ADAMTS3: variants seen among roughly 807,000 people sequenced by gnomAD.
The protein encoded by ADAMTS3 is A disintegrin and metalloproteinase with thrombospondin motifs 3.
A neutral mutation model predicts 129.0 loss-of-function variants in ADAMTS3; 73 were observed. That is an observed-to-expected ratio of 0.57 (90% CI 0.47 to 0.69). ADAMTS3 has a LOEUF of 0.69. ADAMTS3 is among the 30% of genes least tolerant of loss of function. The probability of loss-of-function intolerance (pLI) is 0.00; values close to 1 mark genes in which losing one functional copy is unlikely to be tolerated. For synonymous variants in ADAMTS3, 477 were observed against 510.8 expected (o/e 0.93, Z 0.89); for missense variants, 1,457 against 1,514.5 (o/e 0.96, Z 0.63).
intron 3 of ADAMTS3, among the ~76,000 whole-genome samples, chr4:72,490,953 G>A (rs1234599763): frequency 6.6e-6 from 1 of 151,768 alleles, no homozygotes; most frequent in Non-Finnish European, 1.5e-5. Context: ...TTCTTCCAAT[G>A]AATGAACATG....
chr4:72,348,778 G>A (rs1720353770), intron 4 of ADAMTS3, among the ~76,000 whole-genome samples: 1 of 151,650 alleles, frequency 6.6e-6, no homozygotes, highest in Admixed American at 6.6e-5. Flanking sequence ...TCCTGGACAG[G>A]AGAGAGGTAT....
chr4:72,325,943 A>T (rs972079341), intron 5 of ADAMTS3, among the ~76,000 whole-genome samples: 3 of 152,180 alleles, frequency 2.0e-5, no homozygotes, highest in African/African-American at 7.2e-5. Context: ...CACAGTGTCA[A>T]GAAAGTACAA....
At chr4:72,543,159 T>G (rs557972307) in intron 3 of ADAMTS3, among the ~76,000 whole-genome samples, 1 of 152,304 alleles carries the variant, frequency 6.6e-6, no homozygotes, top group African/African-American at 2.4e-5. Context: ...TACTAACTTA[T>G]CACATGTCTG....
At chr4:72,564,587 C>G (rs1005465457) in intron 2 of ADAMTS3, among the ~76,000 whole-genome samples, 11 of 152,158 alleles carry the variant, frequency 7.2e-5, no homozygotes, top group Non-Finnish European at 8.8e-5. Context: ...AAGAGGCACA[C>G]AACTAGGTCA....
intron 3 of ADAMTS3, among the ~76,000 whole-genome samples, chr4:72,496,016 A>G (rs1439957330): frequency 6.6e-6 from 1 of 152,226 alleles, no homozygotes; most frequent in East Asian, 1.9e-4. Flanking sequence ...ATCAAAAATG[A>G]CTATAATGGG....
chr4:72,495,236 T>C (rs1270967160), intron 3 of ADAMTS3, among the ~76,000 whole-genome samples: 1 of 152,056 alleles, frequency 6.6e-6, no homozygotes, highest in East Asian at 1.9e-4. Flanking sequence ...GTGACACCGT[T>C]ATCTAAGGTG....
At chr4:72,515,189 C>T (rs1255538775) in intron 3 of ADAMTS3, among the ~76,000 whole-genome samples, 3 of 152,104 alleles carry the variant, frequency 2.0e-5, no homozygotes, top group Non-Finnish European at 4.4e-5. Context: ...GGCTGCATAG[C>T]ATTCCATGGT....
chr4:72,425,428 C>A (rs182161699), intron 3 of ADAMTS3, among the ~76,000 whole-genome samples: 220 of 152,132 alleles, frequency 1.4e-3, no homozygotes, highest in Non-Finnish European at 2.8e-3. Context: ...TGGTGTGCTG[C>A]ACCCATTAAC....
intron 4 of ADAMTS3, among the ~76,000 whole-genome samples, chr4:72,341,499 C>T (rs573376007): frequency 3.9e-5 from 6 of 152,322 alleles, no homozygotes; most frequent in African/African-American, 1.4e-4. Context: ...ACCATTCAAC[C>T]TCAAGTCTTT....
intron 16 of ADAMTS3, among the ~76,000 whole-genome samples, 173 bp downstream of exon 16, chr4:72,305,814 A>G (rs1719071565): frequency 1.3e-5 from 2 of 151,998 alleles, no homozygotes; most frequent in African/African-American, 4.8e-5. Flanking sequence ...CACATCATGC[A>G]CATGTACGCA....
rs1417749137 is a variant in ADAMTS3, at chr4:72,550,028, G to T, written c.98-1144C>A. On this transcript the variant is annotated intron_variant, in intron 2 of 21. Transcript: ENST00000286657. Reference sequence around the variant, plus strand: ...AGAAGAAGAAGAAGAAGAAGAAGAAGAAGAAGAAGAAGAAGAGGAAGAGGA... The same window carrying T: ...AGAAGAAGAAGAAGAAGAAGAAGAATAAGAAGAAGAAGAAGAGGAAGAGGA... Among the ~76,000 whole-genome samples the T allele has an allele frequency of 6.0e-4, 2 of 3,314 alleles. 1 individual carries two copies. Among genetic ancestry groups the T allele is most frequent in the Non-Finnish European group, 1.6e-3 (2 of 1,248 alleles). The allele number at this position is 3,314 out of a possible 152,430, so 2.2% of individuals were successfully genotyped here.
chr4:72,549,039 C>CA (rs1306349542), intron 2 of ADAMTS3, among the ~76,000 whole-genome samples, 155 bp from the exon 3 acceptor site: 1 of 152,006 alleles, frequency 6.6e-6, no homozygotes, highest in African/African-American at 2.4e-5. Flanking sequence ...ATTTTGAGAA[C>CA]AAAAATCATT....
At chr4:72,553,630 G>A (rs1316344809) in intron 2 of ADAMTS3, among the ~76,000 whole-genome samples, 1 of 152,098 alleles carries the variant, frequency 6.6e-6, no homozygotes, top group Non-Finnish European at 1.5e-5. Flanking sequence ...TTCCCTGGTG[G>A]AGAAGAGTGA....
intron 3 of ADAMTS3, among the ~76,000 whole-genome samples, chr4:72,480,702 A>AAAAAAAT (rs1395359409): frequency 6.6e-6 from 1 of 151,414 alleles, no homozygotes; most frequent in East Asian, 1.9e-4. Context: ...TAATAATAAT[A>AAAAAAAT]AAAAAATAAA....
At chr4:72,519,677 T>C (rs1720605179) in intron 3 of ADAMTS3, among the ~76,000 whole-genome samples, 1 of 152,216 alleles carries the variant, frequency 6.6e-6, no homozygotes, top group African/African-American at 2.4e-5. Flanking sequence ...AAGCCTTGGC[T>C]TTCAGCTCCA....
intron 17 of ADAMTS3, among the ~76,000 whole-genome samples, chr4:72,301,147 A>G (rs1718940469): frequency 6.6e-6 from 1 of 152,240 alleles, no homozygotes; most frequent in African/African-American, 2.4e-5. Flanking sequence ...CAAGTGATAC[A>G]TATACCTAAA....
At chr4:72,552,429 T>C (rs929052755) in intron 2 of ADAMTS3, among the ~76,000 whole-genome samples, 2 of 152,176 alleles carry the variant, frequency 1.3e-5, no homozygotes, top group Non-Finnish European at 2.9e-5. Context: ...TTAGAAACTA[T>C]AAAACTGTTA....
Position 72,303,960 on chromosome 4 carries a change from C to G in ADAMTS3, c.2381G>C (p.Ser794Thr), listed in dbSNP as rs1719018899. 1 of 1,613,624 alleles carries G rather than the reference C, an allele frequency of 6.2e-7. No homozygotes were observed. Among genetic ancestry groups the G allele is most frequent in the Non-Finnish European group, 8.5e-7 (1 of 1,179,696 alleles). ...WDYNIEDDIESLHTDGPLHDP... is the reference protein window; with the variant it reads ...WDYNIEDDIETLHTDGPLHDP... ...ATGTAAAGGTCCATCGGTGTGAAGA[C>G]TTTCAATGTCATCTTCAATGTTATA... The change falls in exon 17 of 22, where the codon AGT (serine) becomes ACT (threonine). Residue 794 changes from serine (S) to threonine (T), a missense_variant. Physicochemically the swap from Ser to Thr is moderately conservative, Grantham distance 58 (BLOSUM62 1). Coordinates refer to ENST00000286657, the MANE Select transcript of ADAMTS3 (RefSeq NM_014243.3).
rs780251054 is a variant in ADAMTS3, at chr4:72,291,000, C to G, written c.2786G>C (p.Arg929Pro). The change falls in exon 20 of 22, where the codon CGC becomes CCC. Residue 929 changes from arginine (R) to proline (P), a missense_variant. Arg to Pro is a moderately radical substitution (Grantham distance 103). Coordinates refer to ENST00000286657, the MANE Select transcript of ADAMTS3 (RefSeq NM_014243.3). ...KTCGSSGYQL[R>P]TVRCLQPLLD... Reference sequence around the variant, plus strand: ...GAGTGGCTGAAGGCAGCGTACAGTGCGAAGCTGATAGCCAGAACTTCCACA... The same window carrying G: ...GAGTGGCTGAAGGCAGCGTACAGTGGGAAGCTGATAGCCAGAACTTCCACA... The G allele has an allele frequency of 6.2e-6, 10 of 1,613,862 alleles. No homozygotes were observed. The highest frequency in any genetic ancestry group is 7.6e-6 in the Non-Finnish European group (9 of 1,179,968).
Sources: gnomAD v4.1 joint callset for allele counts (sites outside exome capture counted in the v4.1 genomes callset) on GRCh38, gnomAD v4.1.1 for gene constraint, MANE v1.5 for transcripts, NCBI Gene and HGNC (gene_info 2026-07-23, HGNC 2026-07-21) for gene names.